RBFOX1: variants seen among roughly 807,000 people sequenced by gnomAD.
RBFOX1 encodes the protein RNA binding fox-1 homolog 1, also known as RNA binding protein fox-1 homolog 1.
RBFOX1 carries 8 observed loss-of-function variants against 57.7 expected under a neutral mutation model. That is an observed-to-expected ratio of 0.14 (90% confidence interval 0.08 to 0.25). RBFOX1 has a LOEUF of 0.25. Ranked by LOEUF, RBFOX1 falls within the 10% of genes least tolerant of loss-of-function variation. The probability of loss-of-function intolerance (pLI) is 1.00; values close to 1 mark genes in which losing one functional copy is unlikely to be tolerated. For synonymous variants in RBFOX1, 326 were observed against 222.4 expected, an observed-to-expected ratio of 1.47 and a Z score of -4.15; for missense variants, 611 against 548.5, an observed-to-expected ratio of 1.11 and a Z score of -1.14.
chr16:5,283,098 G>A (rs2063310903), intron 1 of RBFOX1, among the ~76,000 whole-genome samples: 1 of 152,228 alleles, frequency 6.6e-6, no homozygotes, highest in African/African-American at 2.4e-5. Flanking sequence ...GACTTCAGAG[G>A]GTGCAAGCCC....
chr16:6,516,771 T>C (rs781090275), intron 2 of RBFOX1, among the ~76,000 whole-genome samples: 2 of 152,176 alleles, frequency 1.3e-5, no homozygotes, highest in African/African-American at 4.8e-5. Flanking sequence ...TCGATTAAAA[T>C]GCATATATAA....
Position 5,960,548 on chromosome 16 carries a change from G to A in RBFOX1, c.351+93213G>A, listed in dbSNP as rs536357141. Among the ~76,000 whole-genome samples the A allele has an allele frequency of 5.9e-5, 9 of 152,196 alleles. No homozygotes were observed. The South Asian group carries it at 1.9e-3, about 32-fold the overall frequency. The stretch of plus-strand genomic sequence containing the variant: ...TACATTCTGCTTGCCATTAAACCAT[G>A]CACATTTCCACCTTCTTTTTTCTTG... On this transcript the variant is annotated intron_variant, in intron 4 of 19. Transcript: ENST00000641259.
At chr16:6,767,941 TAATAATAAG>T (rs1188048884) in intron 3 of RBFOX1, among the ~76,000 whole-genome samples, 1,393 of 84,944 alleles carry the variant, frequency 0.016, 8 homozygotes, top group East Asian at 0.029. Context: ...ATAATAATAA[TAATAATAAG>T]AAGAAGAAGA....
chr16:7,076,411 A>G (rs2153788707), intron 4 of RBFOX1, among the ~76,000 whole-genome samples: 1 of 152,260 alleles, frequency 6.6e-6, no homozygotes, highest in South Asian at 2.1e-4. Flanking sequence ...AGCAAAAGAA[A>G]AGACCAAGAA....
rs529600366 is a variant in RBFOX1, at chr16:6,838,936, AT to A, written c.-16+184297del. Among the ~76,000 whole-genome samples, 337 of 148,120 alleles carry A rather than the reference AT, an allele frequency of 2.3e-3. 1 individual carries two copies. The highest frequency in any genetic ancestry group is 3.6e-3 in the Non-Finnish European group (241 of 66,604). On this transcript the variant is annotated intron_variant, in intron 3 of 15. Transcript: ENST00000550418. ...ATTCAAGACTGTGCACTGGTTTTTGATTTTTTTTTTTAAGAAAAAATAAGGG... is the reference window on the plus strand; with the variant it reads ...ATTCAAGACTGTGCACTGGTTTTTGATTTTTTTTTTAAGAAAAAATAAGGG...
intron 3 of RBFOX1, among the ~76,000 whole-genome samples, chr16:6,879,890 T>C (rs916889810): frequency 2.0e-5 from 3 of 152,246 alleles, no homozygotes; most frequent in African/African-American, 7.2e-5. Flanking sequence ...TGCCTCACAG[T>C]TAAATCTGAT....
intron 3 of RBFOX1, among the ~76,000 whole-genome samples, chr16:5,685,203 C>T (rs2050468117): frequency 6.6e-6 from 1 of 152,180 alleles, no homozygotes; most frequent in Admixed American, 6.5e-5. Context: ...GGAGATATCA[C>T]CAACCTATTA....
intron 3 of RBFOX1, among the ~76,000 whole-genome samples, chr16:5,613,880 T>C (rs975835768): frequency 6.6e-6 from 1 of 152,008 alleles, no homozygotes; most frequent in African/African-American, 2.4e-5. Context: ...CTTTCTTCTC[T>C]GACTCCTTCA....
At chr16:5,376,300 C>T (rs1419740809) in intron 1 of RBFOX1, among the ~76,000 whole-genome samples, 1 of 152,094 alleles carries the variant, frequency 6.6e-6, no homozygotes, top group South Asian at 2.1e-4. Flanking sequence ...GCTGCTGAGT[C>T]CTACCCTCAG....
chr16:6,026,681 G>A (rs770937067), intron 1 of RBFOX1, among the ~76,000 whole-genome samples: 31 of 152,244 alleles, frequency 2.0e-4, no homozygotes, highest in Non-Finnish European at 3.1e-4. Flanking sequence ...TTACTTTATC[G>A]TTGTGTAAGA....
intron 3 of RBFOX1, among the ~76,000 whole-genome samples, chr16:6,865,127 C>G (rs1019385116): frequency 6.6e-6 from 1 of 151,412 alleles, no homozygotes; most frequent in Non-Finnish European, 1.5e-5. Flanking sequence ...CTTAGCCTCC[C>G]AAGTAGCTGG....
At chr16:7,597,512 C>G in intron 9 of RBFOX1, 81 bp downstream of exon 9, 2 of 1,299,754 alleles carry the variant, frequency 1.5e-6, no homozygotes, top group Non-Finnish European at 2.2e-6. Context: ...TCTATTACAA[C>G]AAGCTGTGTT....
intron 1 of RBFOX1, among the ~76,000 whole-genome samples, chr16:5,373,571 A>T (rs2065911827): frequency 6.6e-6 from 1 of 151,004 alleles, no homozygotes. Flanking sequence ...CTTCCTGTAC[A>T]GCCTGCAGAA....
At chr16:7,053,256 A>G (rs1263305034) in intron 4 of RBFOX1, among the ~76,000 whole-genome samples, 10 of 152,132 alleles carry the variant, frequency 6.6e-5, no homozygotes, top group Non-Finnish European at 1.2e-4. Context: ...TCTTTTATGC[A>G]TATTTGTTTT....
At chr16:6,121,405 A>G (rs1434972845) in intron 1 of RBFOX1, among the ~76,000 whole-genome samples, 1 of 152,168 alleles carries the variant, frequency 6.6e-6, no homozygotes, top group East Asian at 1.9e-4. Flanking sequence ...CTTTGGAGAA[A>G]CACCAGGGAA....
At chr16:7,644,397 A>C (rs1487491073) in intron 11 of RBFOX1, among the ~76,000 whole-genome samples, 1 of 152,182 alleles carries the variant, frequency 6.6e-6, no homozygotes, top group African/African-American at 2.4e-5. Flanking sequence ...GAATTTTGCC[A>C]ACTGCAATCA....
At position 6,640,993 on chromosome 16, in the gene RBFOX1, C is replaced by G. The variant is rs558598967; in HGVS notation, c.-63-13610C>G. 7.9e-5 allele frequency among the ~76,000 whole-genome samples: 12 copies of G among 152,244 alleles called. No homozygotes were observed. The South Asian group carries it at 1.0e-3, about 13-fold the overall frequency. ...GGCCTGCTTTCTTTTTAGAAGGAAC[C>G]TAATTGGCAAGTAAGTTGCTATCTG... On this transcript the variant is annotated intron_variant, in intron 2 of 15. Coordinates refer to ENST00000550418, the MANE Select transcript of RBFOX1 (RefSeq NM_018723.4).
chr16:6,735,299 G>A (rs138710818), intron 3 of RBFOX1, among the ~76,000 whole-genome samples: 36 of 152,280 alleles, frequency 2.4e-4, no homozygotes, highest in Non-Finnish European at 4.4e-4. Context: ...CTCACCAGTG[G>A]GTTCATGTTG....
intron 3 of RBFOX1, among the ~76,000 whole-genome samples, chr16:6,666,420 A>T (rs552277248): frequency 2.8e-4 from 43 of 152,016 alleles, no homozygotes; most frequent in Non-Finnish European, 1.2e-4. Flanking sequence ...CTATAATCCT[A>T]GCCATGCTAT....
Sources: allele counts gnomAD v4.1 joint callset (sites outside exome capture counted in the v4.1 genomes callset), GRCh38; gene constraint gnomAD v4.1.1; transcripts MANE v1.5; gene names NCBI Gene and HGNC (gene_info 2026-07-23, HGNC 2026-07-21).